EPB41L3: variants seen among roughly 807,000 people sequenced by gnomAD.
EPB41L3 encodes the protein band 4.1-like protein 3.
In EPB41L3, 57 loss-of-function variants were observed where a neutral mutation model predicts 127.1. The ratio of observed to expected loss-of-function variants is 0.45; its 90% CI spans 0.36 to 0.56. The LOEUF is 0.56. Ranked by LOEUF, EPB41L3 falls within the 20% of genes least tolerant of loss-of-function variation. The pLI is 0.00. For synonymous variants in EPB41L3, 572 were observed against 549.5 expected, an observed-to-expected ratio of 1.04 and a Z score of -0.57; for missense variants, 1,273 against 1,372.2, an observed-to-expected ratio of 0.93 and a Z score of 1.14.
In EPB41L3 at chr18:5,406,906, T is replaced by C. The variant is rs748072685; in HGVS notation, c.2220A>G (p.Arg740=). ...KHQTNISELK[R]TFLETSTDTA... The stretch of plus-strand genomic sequence containing the variant: ...TGTCTGTTGAGGTTTCTAAGAAGGT[T>C]CTTTTCAGCTCGCTAATGTTGGTTT... Residue 740 remains arginine, a synonymous_variant, in exon 16 of 23, where the codon AGA becomes AGG. Coordinates refer to ENST00000341928, the MANE Select transcript of EPB41L3 (RefSeq NM_012307.5). The C allele has an allele frequency of 1.9e-6, 3 of 1,614,216 alleles. No individual in the cohort carries two copies. The Admixed American group carries it at 5.0e-5, about 27-fold the overall frequency.
intron 1 of EPB41L3, among the ~76,000 whole-genome samples, chr18:5,519,057 T>C (rs1454969930): frequency 6.6e-6 from 1 of 152,144 alleles, no homozygotes; most frequent in Non-Finnish European, 1.5e-5. Flanking sequence ...ATTATTATGA[T>C]GAAATTACAG....
intron 3 of EPB41L3, among the ~76,000 whole-genome samples, chr18:5,588,298 T>G (rs1489664489): frequency 1.3e-5 from 2 of 152,090 alleles, no homozygotes; most frequent in African/African-American, 4.8e-5. Flanking sequence ...CAAAATTATA[T>G]GAATAGGAAT....
chr18:5,623,006 G>A (rs1056979141), intron 1 of EPB41L3, among the ~76,000 whole-genome samples: 5 of 114,978 alleles, frequency 4.3e-5, no homozygotes, highest in Admixed American at 1.2e-4. Context: ...TAAAATATTC[G>A]GTCTCACTTT....
chr18:5,503,223 A>G (rs1463353326), intron 1 of EPB41L3, among the ~76,000 whole-genome samples: 2 of 152,182 alleles, frequency 1.3e-5, no homozygotes, highest in African/African-American at 4.8e-5. Context: ...GAAAAAGTTA[A>G]TTATAATATA....
chr18:5,450,995 T>A (rs1267252327), intron 3 of EPB41L3, among the ~76,000 whole-genome samples: 2 of 152,194 alleles, frequency 1.3e-5, no homozygotes, highest in African/African-American at 4.8e-5. Flanking sequence ...ATTTTTTTTT[T>A]ACATGTGTGA....
intron 3 of EPB41L3, among the ~76,000 whole-genome samples, chr18:5,562,844 G>A (rs559512833): frequency 3.3e-5 from 5 of 152,144 alleles, no homozygotes; most frequent in African/African-American, 2.4e-5. Flanking sequence ...AGCCTTCTTC[G>A]GATGTTTATT....
At chr18:5,619,917 T>C (rs2094841187) in intron 1 of EPB41L3, among the ~76,000 whole-genome samples, 6 of 152,144 alleles carry the variant, frequency 3.9e-5, no homozygotes, top group Admixed American at 3.3e-4. Context: ...AGAAAAGCAA[T>C]AGATTGTTAT....
rs533472090 is a variant in EPB41L3 at position 5,561,017 on chromosome 18, G to T, written c.-306+51323C>A. ...TTTTGAGATGGAGTCTCGCTCTGTC[G>T]CCCAGGCTGGAGTGCAGTGGCGCGA... On this transcript the variant is annotated intron_variant, in intron 3 of 21. Coordinates refer to the EPB41L3 transcript ENST00000545076. Among the ~76,000 whole-genome samples the T allele has an allele frequency of 6.2e-5, 8 of 129,638 alleles. 2 individuals are homozygous for T. Among genetic ancestry groups the T allele is most frequent in the African/African-American group, 1.4e-4 (5 of 36,534 alleles). The allele number at this position is 129,638 out of a possible 152,430, so 85.0% of individuals were successfully genotyped here.
At chr18:5,548,855 A>T (rs1282936810), upstream of EPB41L3, among the ~76,000 whole-genome samples, 6 of 152,238 alleles carry the variant, frequency 3.9e-5, no homozygotes, top group African/African-American at 1.4e-4. Flanking sequence ...GTTAATCTGT[A>T]ATATTAAATT....
chr18:5,446,863 G>A (rs575866566), intron 3 of EPB41L3, among the ~76,000 whole-genome samples: 97 of 152,278 alleles, frequency 6.4e-4, no homozygotes, highest in Middle Eastern at 3.4e-3. Flanking sequence ...CGACAATGAA[G>A]CGCCTGCTTG....
intron 9 of EPB41L3, among the ~76,000 whole-genome samples, chr18:5,426,357 T>C (rs142849829): frequency 6.6e-6 from 1 of 152,242 alleles, no homozygotes; most frequent in East Asian, 1.9e-4. Flanking sequence ...ACTGAAAACC[T>C]TTGATTATCC....
chr18:5,484,903 A>G (rs2089460718), intron 2 of EPB41L3, among the ~76,000 whole-genome samples: 1 of 151,920 alleles, frequency 6.6e-6, no homozygotes, highest in African/African-American at 2.4e-5. Flanking sequence ...TCTATCAAAC[A>G]TGTAAAGAAA....
rs776409140 is a variant in EPB41L3, at chr18:5,419,703, A to G, written c.1506+8T>C. The G allele has an allele frequency of 6.2e-7, 1 of 1,613,626 alleles. No homozygotes were observed. The highest frequency in any genetic ancestry group is 1.7e-5 in the Admixed American group (1 of 60,012). Reference sequence around the variant, plus strand: ...AGCAAGCTCTTGCAGGCAGTCTGGGAGCTATACCTTTCCCTCGTGCCGGAT... The same window carrying G: ...AGCAAGCTCTTGCAGGCAGTCTGGGGGCTATACCTTTCCCTCGTGCCGGAT... On this transcript the variant is annotated splice_region_variant and intron_variant, in intron 12 of 22. Transcript: ENST00000341928.
chr18:5,487,101 T>A (rs922258887), intron 2 of EPB41L3, among the ~76,000 whole-genome samples: 1 of 152,020 alleles, frequency 6.6e-6, no homozygotes, highest in Non-Finnish European at 1.5e-5. Context: ...GAAGAATGAA[T>A]TTTTAGAAAG....
At chr18:5,588,953 T>A (rs1459682084) in intron 3 of EPB41L3, among the ~76,000 whole-genome samples, 1 of 149,682 alleles carries the variant, frequency 6.7e-6, no homozygotes, top group Non-Finnish European at 1.5e-5. Context: ...CTCAGTTCAA[T>A]AAAAAAAAAA....
rs374057402 is a variant in EPB41L3 at position 5,570,651 on chromosome 18, G to A, written c.-306+41689C>T. 6.3e-4 allele frequency: 95 copies of A among 151,452 alleles called. 3 individuals carry two copies. Among genetic ancestry groups the A allele is most frequent in the African/African-American group, 2.0e-3 (84 of 41,284 alleles). 9.4% of individuals were successfully genotyped at this position (151,452 alleles called of 1,614,324 possible). A position where few individuals can be genotyped will look rare whatever the true frequency, so the allele number is the denominator to read the frequency against. ...AAGTTCTAGGGTACATGTGCACAAC[G>A]TGCAGGTTTGTTACATATGTAGACA... On this transcript the variant is annotated intron_variant, in intron 3 of 21. Transcript: ENST00000545076.
intron 1 of EPB41L3, among the ~76,000 whole-genome samples, chr18:5,523,145 G>C (rs1248999583): frequency 6.6e-6 from 1 of 152,102 alleles, no homozygotes; most frequent in African/African-American, 2.4e-5. Context: ...CATCACACAA[G>C]GGCCACAAAG....
intron 3 of EPB41L3, among the ~76,000 whole-genome samples, chr18:5,580,760 T>C (rs2094386603): frequency 1.3e-5 from 2 of 152,232 alleles, no homozygotes; most frequent in Non-Finnish European, 2.9e-5. Context: ...ATTCATTAAC[T>C]GTTGTTAAAA....
intron 1 of EPB41L3, among the ~76,000 whole-genome samples, chr18:5,523,607 G>A (rs1340473225): frequency 6.6e-6 from 1 of 152,058 alleles, no homozygotes; most frequent in Non-Finnish European, 1.5e-5. Flanking sequence ...TCAACATGGA[G>A]AAACCCCATC....
Sources: allele counts gnomAD v4.1 joint callset (sites outside exome capture counted in the v4.1 genomes callset), GRCh38; gene constraint gnomAD v4.1.1; transcripts MANE v1.5; gene names NCBI Gene and HGNC (gene_info 2026-07-23, HGNC 2026-07-21).